CFDP1: variants seen among roughly 807,000 people sequenced by gnomAD.
CFDP1 encodes the protein chromatin remodeling protein CFDP1.
In CFDP1, 31 loss-of-function variants were observed where a neutral mutation model predicts 40.1. That is an observed-to-expected ratio of 0.77 (90% CI 0.58 to 1.04). CFDP1 has a LOEUF of 1.04. Ranked by LOEUF, CFDP1 falls within the 50% of genes least tolerant of loss-of-function variation. The pLI is 0.00. For missense variants in CFDP1, 423 were observed against 343.4 expected (o/e 1.23, Z -1.83); for synonymous variants, 167 against 120.0 (o/e 1.39, Z -2.56).
intron 5 of CFDP1, among the ~76,000 whole-genome samples, chr16:75,313,450 C>T (rs2078307240): frequency 6.6e-6 from 1 of 152,184 alleles, no homozygotes; most frequent in African/African-American, 2.4e-5. Context: ...CTGCCTCAGC[C>T]TCCTGATAGC....
chr16:75,344,606 C>T (rs960841739), intron 5 of CFDP1, among the ~76,000 whole-genome samples: 1 of 152,132 alleles, frequency 6.6e-6, no homozygotes, highest in Non-Finnish European at 1.5e-5. Flanking sequence ...GGACTAATAA[C>T]CCTTACAAAG....
rs1480954039 is a variant in CFDP1, at chr16:75,405,576, C to T, written c.530+6249G>A. Among the ~76,000 whole-genome samples the T allele has an allele frequency of 2.6e-5, 4 of 151,858 alleles. No homozygotes were observed. The South Asian group carries it at 6.3e-4, about 24-fold the overall frequency. On this transcript the variant is annotated intron_variant, in intron 4 of 6. Transcript: ENST00000283882. ...CAGCCTGACCAACAAGGTGAAACCT[C>T]GTCTCTACTAAAAATACAAAAAAAA...
rs149859454 is a variant in CFDP1 at position 75,425,014 on chromosome 16, G to A, written c.64+8275C>T. Among the ~76,000 whole-genome samples, 693 of 152,148 alleles carry A rather than the reference G, an allele frequency of 4.6e-3. 6 individuals are homozygous for A. Among genetic ancestry groups the A allele is most frequent in the Non-Finnish European group, 8.2e-3 (561 of 68,018 alleles). ...AGGTTGTAGAATACAAGGTTAGTAT[G>A]CAGAACCTGTATTGTATTTCCATAT... On this transcript the variant is annotated intron_variant, in intron 1 of 6. Transcript: ENST00000283882.
At chr16:75,433,240 A>G in intron 1 of CFDP1, 49 bp downstream of exon 1, 2 of 1,524,530 alleles carry the variant, frequency 1.3e-6, no homozygotes, top group Middle Eastern at 2.2e-4. Context: ...GCCTCACGTG[A>G]GGCGTGGGGC....
chr16:75,431,145 C>G (rs1043605998), intron 1 of CFDP1, among the ~76,000 whole-genome samples: 1 of 151,772 alleles, frequency 6.6e-6, no homozygotes, highest in Non-Finnish European at 1.5e-5. Context: ...TTTATTCACA[C>G]TGTCATTAGA....
At chr16:75,366,986 A>C (rs1247456856) in intron 5 of CFDP1, among the ~76,000 whole-genome samples, 1 of 151,868 alleles carries the variant, frequency 6.6e-6, no homozygotes, top group Non-Finnish European at 1.5e-5. Flanking sequence ...CAACATGGCA[A>C]AACCCTGTCT....
intron 6 of CFDP1, among the ~76,000 whole-genome samples, chr16:75,302,773 A>G (rs973176438): frequency 3.3e-5 from 5 of 152,222 alleles, no homozygotes; most frequent in Non-Finnish European, 5.9e-5. Flanking sequence ...ACTCGTGAAG[A>G]GACAACACTG....
At chr16:75,347,502 AC>A (rs1325008170) in intron 5 of CFDP1, among the ~76,000 whole-genome samples, 1 of 151,918 alleles carries the variant, frequency 6.6e-6, no homozygotes, top group East Asian at 1.9e-4. Context: ...ACACGGTGAA[AC>A]CCTGTCTCTA....
chr16:75,342,387 A>G (rs1172244550), intron 5 of CFDP1, among the ~76,000 whole-genome samples: 2 of 152,238 alleles, frequency 1.3e-5, no homozygotes, highest in African/African-American at 4.8e-5. Context: ...GAACTTATGT[A>G]TCCAAAACTC....
chr16:75,313,472 G>C (rs144685499), intron 5 of CFDP1, among the ~76,000 whole-genome samples: 2,640 of 152,252 alleles, frequency 0.017, 72 homozygotes, highest in African/African-American at 0.06. Flanking sequence ...GGGATTACAG[G>C]CGCCCACCAC....
intron 5 of CFDP1, among the ~76,000 whole-genome samples, chr16:75,389,164 T>C (rs1405216559): frequency 6.6e-6 from 1 of 152,064 alleles, no homozygotes; most frequent in African/African-American, 2.4e-5. Context: ...AGGTAGCAAA[T>C]GTGGGGTTGA....
At chr16:75,297,843 C>G (rs1408523536) in intron 6 of CFDP1, among the ~76,000 whole-genome samples, 2 of 152,142 alleles carry the variant, frequency 1.3e-5, no homozygotes, top group African/African-American at 2.4e-5. Flanking sequence ...TCCCTGAGAT[C>G]TAGGCCAATG....
At chr16:75,295,824 GAT>G (rs1158148339) in intron 6 of CFDP1, among the ~76,000 whole-genome samples, 3 of 152,178 alleles carry the variant, frequency 2.0e-5, no homozygotes, top group Non-Finnish European at 2.9e-5. Flanking sequence ...GACCCCTTTA[GAT>G]AAAAAGAGAA....
At chr16:75,416,885 A>C (rs1201905908) in intron 1 of CFDP1, among the ~76,000 whole-genome samples, 1 of 152,224 alleles carries the variant, frequency 6.6e-6, no homozygotes, top group Non-Finnish European at 1.5e-5. Context: ...TTGACATCCC[A>C]AACACCAAGG....
intron 1 of CFDP1, among the ~76,000 whole-genome samples, chr16:75,425,103 T>C (rs1336522023): frequency 1.3e-5 from 2 of 152,090 alleles, no homozygotes; most frequent in East Asian, 3.9e-4. Context: ...ACAGACTGTA[T>C]TCATAGACTA....
intron 5 of CFDP1, among the ~76,000 whole-genome samples, chr16:75,316,202 A>T (rs2078322279): frequency 6.6e-6 from 1 of 152,200 alleles, no homozygotes; most frequent in African/African-American, 2.4e-5. Context: ...GCCAAGCGTG[A>T]TCCCTTGGGT....
intron 5 of CFDP1, among the ~76,000 whole-genome samples, chr16:75,394,360 T>A (rs969876326): frequency 6.6e-6 from 1 of 152,194 alleles, no homozygotes; most frequent in Non-Finnish European, 1.5e-5. Context: ...CAGCTAAAAA[T>A]AACTCAAGTA....
intron 2 of CFDP1, 60 bp downstream of exon 2, chr16:75,414,518 G>C: frequency 1.0e-6 from 1 of 968,314 alleles, no homozygotes; most frequent in Non-Finnish European, 1.7e-6. Flanking sequence ...ACCAATCTTA[G>C]CAATCAGGAT....
At chr16:75,301,653 T>C (rs903045281) in intron 6 of CFDP1, 1 of 150,612 alleles carries the variant, frequency 6.6e-6, no homozygotes, top group African/African-American at 2.4e-5. Flanking sequence ...ACCTGTCTTA[T>C]GCCTCTAGAA....
Sources: gnomAD v4.1 joint callset for allele counts (sites outside exome capture counted in the v4.1 genomes callset) on GRCh38, gnomAD v4.1.1 for gene constraint, MANE v1.5 for transcripts, NCBI Gene and HGNC (gene_info 2026-07-23, HGNC 2026-07-21) for gene names.